The following RBFOX1 variants were observed in gnomAD, a reference collection of about 807,000 sequenced individuals.
RBFOX1 encodes RNA binding fox-1 homolog 1, also known as RNA binding protein fox-1 homolog 1.
A neutral mutation model predicts 57.7 loss-of-function variants in RBFOX1; 8 were observed. That is an observed-to-expected ratio of 0.14 (90% CI 0.08 to 0.25). The LOEUF (loss-of-function observed/expected upper bound fraction) is 0.25. Among genes scored for constraint, RBFOX1 ranks in the 10% least tolerant of loss-of-function variants. The pLI is 1.00. For synonymous variants in RBFOX1, 326 were observed against 222.4 expected, an observed-to-expected ratio of 1.47 and a Z score of -4.15; for missense variants, 611 against 548.5, an observed-to-expected ratio of 1.11 and a Z score of -1.14.
intron 4 of RBFOX1, among the ~76,000 whole-genome samples, chr16:7,227,712 CT>C (rs2152895086): frequency 6.6e-6 from 1 of 152,282 alleles, no homozygotes; most frequent in African/African-American, 2.4e-5. Context: ...GCCCGTCGCC[CT>C]GCCTGCAGGC....
chr16:5,324,369 A>G (rs1402937734), intron 1 of RBFOX1, among the ~76,000 whole-genome samples: 3 of 152,208 alleles, frequency 2.0e-5, no homozygotes, highest in Non-Finnish European at 4.4e-5. Flanking sequence ...AGGCTGAGGC[A>G]GGAGAATCAC....
intron 3 of RBFOX1, among the ~76,000 whole-genome samples, chr16:7,018,475 C>A (rs2094028564): frequency 1.3e-5 from 2 of 152,122 alleles, no homozygotes; most frequent in African/African-American, 4.8e-5. Context: ...TCCAGTCTAT[C>A]ATTGATGGAC....
intron 4 of RBFOX1, among the ~76,000 whole-genome samples, chr16:7,188,640 C>A (rs973540645): frequency 6.6e-6 from 1 of 152,140 alleles, no homozygotes; most frequent in Non-Finnish European, 1.5e-5. Flanking sequence ...ACTCATTATA[C>A]CAGTCCAGTA....
chr16:6,615,895 G>T (rs1480522619), intron 2 of RBFOX1, among the ~76,000 whole-genome samples: 1 of 152,158 alleles, frequency 6.6e-6, no homozygotes, highest in African/African-American at 2.4e-5. Flanking sequence ...CATGTGATAC[G>T]CATCTCCCCA....
intron 2 of RBFOX1, among the ~76,000 whole-genome samples, chr16:6,457,972 C>T (rs1597519503): frequency 6.7e-6 from 1 of 150,226 alleles, no homozygotes; most frequent in Admixed American, 6.7e-5. Flanking sequence ...CAAACAGATG[C>T]GTGTGCACAC....
At chr16:7,402,046 T>C (rs1254038799) in intron 4 of RBFOX1, among the ~76,000 whole-genome samples, 1 of 152,222 alleles carries the variant, frequency 6.6e-6, no homozygotes, top group East Asian at 1.9e-4. Context: ...TTAATGTATA[T>C]TTTAATGATG....
At chr16:6,784,028 A>C (rs2081486280) in intron 3 of RBFOX1, among the ~76,000 whole-genome samples, 1 of 151,610 alleles carries the variant, frequency 6.6e-6, no homozygotes, top group Non-Finnish European at 1.5e-5. Flanking sequence ...ACTTCTTTAT[A>C]TTTTCTTTGC....
intron 2 of RBFOX1, among the ~76,000 whole-genome samples, chr16:6,632,902 G>A (rs1346207678): frequency 6.6e-6 from 1 of 152,216 alleles, no homozygotes; most frequent in East Asian, 1.9e-4. Context: ...CAGACAGGAT[G>A]CTGATGGGAA....
chr16:6,957,994 A>G (rs1437354109), intron 3 of RBFOX1, among the ~76,000 whole-genome samples: 2 of 152,088 alleles, frequency 1.3e-5, no homozygotes, highest in African/African-American at 4.8e-5. Context: ...GCTCCTGCAT[A>G]GGGTGGGAAG....
At chr16:6,345,095 T>G (rs1431202149) in intron 2 of RBFOX1, among the ~76,000 whole-genome samples, 1 of 152,212 alleles carries the variant, frequency 6.6e-6, no homozygotes, top group African/African-American at 2.4e-5. Context: ...TAGATTCTTG[T>G]GAAGCAAAGC....
chr16:6,127,091 G>A (rs562527861), intron 1 of RBFOX1, among the ~76,000 whole-genome samples: 7 of 152,256 alleles, frequency 4.6e-5, no homozygotes, highest in Non-Finnish European at 8.8e-5. Context: ...ACATCTCAGA[G>A]GTAGCAGCAA....
chr16:5,411,128 G>T (rs538140175), intron 1 of RBFOX1, among the ~76,000 whole-genome samples: 1 of 152,186 alleles, frequency 6.6e-6, no homozygotes. Flanking sequence ...ATTCTTGGGC[G>T]GAGGCCAGAG....
At chr16:5,268,178 G>A (rs868084946) in intron 1 of RBFOX1, among the ~76,000 whole-genome samples, 4 of 151,594 alleles carry the variant, frequency 2.6e-5, no homozygotes, top group African/African-American at 7.3e-5. Context: ...CACCTTGATC[G>A]GCTTCATCCT....
intron 14 of RBFOX1, among the ~76,000 whole-genome samples, chr16:7,705,863 C>T (rs533785124): frequency 1.4e-4 from 21 of 152,240 alleles, no homozygotes; most frequent in Admixed American, 1.2e-3. Flanking sequence ...AAGATTTCTT[C>T]CGAAATTACT....
rs535965242 is a variant in RBFOX1, at chr16:7,359,696, C to G, written c.28-158451C>G. ...TGTTTTGTTGAATCTCAAATTTAAC[C>G]ACTCTGGACCTGGCATGGTGGCTTA... On this transcript the variant is annotated intron_variant, in intron 4 of 15. Coordinates refer to ENST00000550418, the MANE Select transcript of RBFOX1 (RefSeq NM_018723.4). 3.3e-5 allele frequency among the ~76,000 whole-genome samples: 5 copies of G among 152,256 alleles called. No individual in the cohort carries two copies. In the South Asian group the frequency reaches 1.0e-3, roughly 32 times the overall value.
At chr16:5,806,657 T>C (rs1214772498) in intron 3 of RBFOX1, among the ~76,000 whole-genome samples, 5 of 152,198 alleles carry the variant, frequency 3.3e-5, no homozygotes, top group Non-Finnish European at 7.3e-5. Flanking sequence ...AAACCAGCTA[T>C]TGGAAGTTCA....
At chr16:6,900,115 A>T (rs973182086) in intron 3 of RBFOX1, among the ~76,000 whole-genome samples, 1 of 151,988 alleles carries the variant, frequency 6.6e-6, no homozygotes, top group Non-Finnish European at 1.5e-5. Context: ...ACAAAGGTTT[A>T]TTTGAGTTTT....
intron 1 of RBFOX1, among the ~76,000 whole-genome samples, chr16:5,267,937 G>A (rs1449885246): frequency 6.6e-6 from 1 of 152,150 alleles, no homozygotes; most frequent in Non-Finnish European, 1.5e-5. Flanking sequence ...AAATTAGCTT[G>A]GCATGGTGGC....
At chr16:6,981,011 C>G (rs1232231399) in intron 3 of RBFOX1, among the ~76,000 whole-genome samples, 3 of 119,660 alleles carry the variant, frequency 2.5e-5, no homozygotes, top group African/African-American at 7.5e-5. Flanking sequence ...CCACTGCACT[C>G]CAGCCTGGGT....
Sources: gnomAD v4.1 joint callset for allele counts (sites outside exome capture counted in the v4.1 genomes callset) on GRCh38, gnomAD v4.1.1 for gene constraint, MANE v1.5 for transcripts, NCBI Gene and HGNC (gene_info 2026-07-23, HGNC 2026-07-21) for gene names.